The following RC3H1 variants were observed in gnomAD, a reference collection of about 807,000 sequenced individuals.
RC3H1 encodes the protein roquin-1.
A neutral mutation model predicts 138.2 loss-of-function variants in RC3H1; 50 were observed. That is an observed-to-expected ratio of 0.36 (90% CI 0.29 to 0.46). RC3H1 has a LOEUF of 0.46. RC3H1 is among the 20% of genes least tolerant of loss of function. The pLI, the probability that RC3H1 is intolerant of heterozygous loss-of-function variation, is 1.00. For synonymous variants in RC3H1, 462 were observed against 489.1 expected (o/e 0.94, Z 0.73); for missense variants, 1,031 against 1,388.1 (o/e 0.74, Z 4.09).
At chr1:173,950,969 A>G (rs1422033122) in intron 14 of RC3H1, among the ~76,000 whole-genome samples, 1 of 151,972 alleles carries the variant, frequency 6.6e-6, no homozygotes, top group African/African-American at 2.4e-5. Context: ...GTTACAGTGA[A>G]CCATAATCAT....
In RC3H1 at chr1:173,964,196, A is replaced by G. The variant is rs999739439; in HGVS notation, c.1617-9T>C. On this transcript the variant is annotated splice_polypyrimidine_tract_variant and intron_variant, in intron 10 of 19. Coordinates refer to ENST00000367696, the MANE Select transcript of RC3H1 (RefSeq NM_172071.4). ...TAGGAACAGATTCTAGCCTAAGGGAATAATATTATGGAAGTTGTTTAAAAA... is the reference window on the plus strand; with the variant it reads ...TAGGAACAGATTCTAGCCTAAGGGAGTAATATTATGGAAGTTGTTTAAAAA... The G allele has an allele frequency of 6.3e-7, 1 of 1,591,512 alleles. No homozygotes were observed. Among genetic ancestry groups the G allele is most frequent in the African/African-American group, 1.3e-5 (1 of 74,540 alleles).
Position 173,931,430 on chromosome 1 carries a change from C to T in RC3H1, c.*7291G>A, listed in dbSNP as rs1256758454. On this transcript the variant is annotated 3_prime_UTR_variant, in exon 20 of 20. Coordinates refer to ENST00000367696, the MANE Select transcript of RC3H1 (RefSeq NM_172071.4). Reference sequence around the variant, plus strand: ...GGTAATAAAGGAAATAGCATTTTAACAAAATGGGCATCTTTGATATAAACA... The same window carrying T: ...GGTAATAAAGGAAATAGCATTTTAATAAAATGGGCATCTTTGATATAAACA... The T allele has an allele frequency of 6.6e-6, 1 of 152,128 alleles. No individual in the cohort carries two copies. Among genetic ancestry groups the T allele is most frequent in the Non-Finnish European group, 1.5e-5 (1 of 68,010 alleles). The allele number at this position is 152,128 out of a possible 1,614,324, so 9.4% of individuals were successfully genotyped here. A position where few individuals can be genotyped will look rare whatever the true frequency, so the allele number is the denominator to read the frequency against.
chr1:173,994,017 T>A, intron 1 of RC3H1, among the ~76,000 whole-genome samples: 2 of 80,088 alleles, frequency 2.5e-5, no homozygotes, highest in Admixed American at 1.7e-4. Context: ...TGAAACTCCA[T>A]CTCAGAAAAA....
intron 1 of RC3H1, among the ~76,000 whole-genome samples, chr1:174,002,008 T>C (rs1225715871): frequency 6.6e-6 from 1 of 152,220 alleles, no homozygotes; most frequent in Non-Finnish European, 1.5e-5. Flanking sequence ...GTTTGCTTTA[T>C]TATCTTAACT....
chr1:174,012,902 A>G (rs1571243584), intron 1 of RC3H1, among the ~76,000 whole-genome samples: 4 of 152,154 alleles, frequency 2.6e-5, no homozygotes, highest in African/African-American at 9.6e-5. Context: ...AAATATTCAA[A>G]AGGTTTAGAG....
chr1:173,989,605 G>A (rs527296843), intron 2 of RC3H1, among the ~76,000 whole-genome samples: 21 of 151,242 alleles, frequency 1.4e-4, no homozygotes, highest in African/African-American at 5.1e-4. Context: ...CTACTCCATG[G>A]TCAGAAAGAC....
intron 18 of RC3H1, among the ~76,000 whole-genome samples, chr1:173,942,444 A>AAAAAAAAAAAAAAAAAAC (rs1658923453): frequency 6.7e-6 from 1 of 149,732 alleles, no homozygotes. Flanking sequence ...AAAAAAAAAA[A>AAAAAAAAAAAAAAAAAAC]AAAAAAGAAA....
chr1:173,989,927 C>T (rs1412575043), intron 2 of RC3H1, among the ~76,000 whole-genome samples: 3 of 150,488 alleles, frequency 2.0e-5, no homozygotes, highest in Admixed American at 6.6e-5. Flanking sequence ...GGGGTTTCAC[C>T]TTGTTAGCCA....
intron 13 of RC3H1, among the ~76,000 whole-genome samples, chr1:173,954,207 G>A (rs1659538007): frequency 1.3e-5 from 2 of 152,114 alleles, no homozygotes. Flanking sequence ...AATTGATAAA[G>A]AAAATGTGGT....
Position 173,980,839 on chromosome 1 carries a change from G to A in RC3H1, c.939C>T (p.His313=). Residue 313 remains histidine (H), a synonymous_variant, in exon 6 of 20, where the codon CAC becomes CAT. Transcript: ENST00000367696. ...WSSLLYGDQS[H]KSHMQSIIDK... is the part of the protein sequence containing the mutation. ...CAATAATGGACTGCATATGAGATTT[G>A]TGAGACTGGTCTCCATAAAGCAAAG... 1 of 1,614,064 alleles carries A rather than the reference G, an allele frequency of 6.2e-7. No homozygotes were observed. The highest frequency in any genetic ancestry group is 1.7e-5 in the Admixed American group (1 of 60,022).
chr1:173,994,022 G>GAAA (rs372280833), intron 1 of RC3H1, among the ~76,000 whole-genome samples: 40 of 46,910 alleles, frequency 8.5e-4, no homozygotes, highest in African/African-American at 1.5e-3. Flanking sequence ...CTCCATCTCA[G>GAAA]AAAAAAAAAA....
At chr1:173,953,374 C>T (rs1476463345) in intron 13 of RC3H1, among the ~76,000 whole-genome samples, 1 of 152,012 alleles carries the variant, frequency 6.6e-6, no homozygotes, top group Non-Finnish European at 1.5e-5. Context: ...CAGGTTCAAG[C>T]CATTCTCCTG....
At chr1:173,985,417 C>CAATTCTTCTCCATTTTATGTAGAAAGAT (rs1557943868) in intron 2 of RC3H1, among the ~76,000 whole-genome samples, 2 of 150,504 alleles carry the variant, frequency 1.3e-5, no homozygotes, top group African/African-American at 5.0e-5. Flanking sequence ...ATAAGGGTTC[C>CAATTCTTCTCCATTTTATGTAGAAAGAT]AATTCTTCTA....
At chr1:174,012,584 C>A (rs1661787587) in intron 1 of RC3H1, among the ~76,000 whole-genome samples, 1 of 151,830 alleles carries the variant, frequency 6.6e-6, no homozygotes, top group Non-Finnish European at 1.5e-5. Context: ...GAGATCGAGA[C>A]CATCCTGGCT....
At position 173,952,148 on chromosome 1, in the gene RC3H1, G is replaced by GA. The variant is rs1659429161; in HGVS notation, c.2371-11dup. On this transcript the variant is annotated splice_polypyrimidine_tract_variant and intron_variant, in intron 13 of 19. Transcript: ENST00000367696. ...AGTCTTCATCCAAAAACTACAGATGGAGAAAGAAAAAAAACAAAAAAAAAA... is the reference window on the plus strand; with the variant it reads ...AGTCTTCATCCAAAAACTACAGATGGAAGAAAGAAAAAAAACAAAAAAAAAA... 2 of 1,337,674 alleles carry GA rather than the reference G, an allele frequency of 1.5e-6. No homozygotes were observed. The highest frequency in any genetic ancestry group is 3.1e-5 in the Admixed American group (1 of 32,238). The allele number at this position is 1,337,674 out of a possible 1,614,324, so 82.9% of individuals were successfully genotyped here.
At chr1:173,973,880 T>A (rs1343544454) in intron 7 of RC3H1, among the ~76,000 whole-genome samples, 1 of 152,148 alleles carries the variant, frequency 6.6e-6, no homozygotes, top group Non-Finnish European at 1.5e-5. Context: ...TTGTTCTAGT[T>A]GTTGGGTAAG....
intron 1 of RC3H1, among the ~76,000 whole-genome samples, chr1:173,994,672 C>T (rs1315081028): frequency 6.6e-6 from 1 of 151,598 alleles, no homozygotes; most frequent in Admixed American, 6.6e-5. Context: ...CACCTGTGGT[C>T]CCAGCAACCC....
At chr1:173,971,890 T>G (rs749897807) in intron 8 of RC3H1, among the ~76,000 whole-genome samples, 2 of 152,158 alleles carry the variant, frequency 1.3e-5, no homozygotes, top group African/African-American at 2.4e-5. Flanking sequence ...GGCTTACTAC[T>G]GCAAAATAAA....
rs764227945 is a variant in RC3H1, at chr1:173,982,713, A to C, written c.768+14T>G. On this transcript the variant is annotated intron_variant, in intron 5 of 19. Coordinates refer to ENST00000367696, the MANE Select transcript of RC3H1 (RefSeq NM_172071.4). ...ATATTTCCTTTCAAGCTGAGCTTTA[A>C]TGTAGGTTCATACCTTGAAACAGGA... The C allele has an allele frequency of 9.5e-6, 15 of 1,570,902 alleles. No individual in the cohort carries two copies. In the African/African-American group the frequency reaches 1.9e-4, roughly 20 times the overall value.
Sources: allele counts gnomAD v4.1 joint callset (sites outside exome capture counted in the v4.1 genomes callset), GRCh38; gene constraint gnomAD v4.1.1; transcripts MANE v1.5; gene names NCBI Gene and HGNC (gene_info 2026-07-23, HGNC 2026-07-21).